Variants in OLFM3 observed in about 807,000 individuals in gnomAD.
OLFM3 encodes noelin-3.
In OLFM3, 20 loss-of-function variants were observed where a neutral mutation model predicts 48.6. The ratio of observed to expected loss-of-function variants is 0.41; its 90% CI spans 0.29 to 0.60. OLFM3 has a LOEUF of 0.60. Among genes scored for constraint, OLFM3 ranks in the 20% least tolerant of loss-of-function variants. The probability of loss-of-function intolerance (pLI) is 0.28; values close to 1 mark genes in which losing one functional copy is unlikely to be tolerated. For synonymous variants in OLFM3, 222 were observed against 198.1 expected (o/e 1.12, Z -1.01); for missense variants, 437 against 544.3 (o/e 0.80, Z 1.96).
chr1:101,965,934 T>C (rs1444815846), intron 1 of OLFM3, among the ~76,000 whole-genome samples: 1 of 152,134 alleles, frequency 6.6e-6, no homozygotes, highest in Non-Finnish European at 1.5e-5. Context: ...AGGAGGAAAA[T>C]GAAGTCCATA....
chr1:101,911,025 G>T (rs1004043892), intron 1 of OLFM3, among the ~76,000 whole-genome samples: 1 of 152,004 alleles, frequency 6.6e-6, no homozygotes, highest in Non-Finnish European at 1.5e-5. Flanking sequence ...AAAGGAAAAC[G>T]GCACAATGGC....
chr1:101,843,014 T>G (rs541709933), intron 1 of OLFM3, among the ~76,000 whole-genome samples: 83 of 152,308 alleles, frequency 5.4e-4, no homozygotes, highest in African/African-American at 2.0e-3. Context: ...AAAACAGAAT[T>G]TGGGGGGAAA....
intron 1 of OLFM3, among the ~76,000 whole-genome samples, chr1:101,873,775 T>C (rs1657184151): frequency 6.6e-6 from 1 of 151,864 alleles, no homozygotes; most frequent in South Asian, 2.1e-4. Context: ...CAGTTTTCTC[T>C]AGTGTAGAAT....
At chr1:101,954,350 A>G (rs1254159635) in intron 1 of OLFM3, among the ~76,000 whole-genome samples, 12 of 152,188 alleles carry the variant, frequency 7.9e-5, no homozygotes, top group Admixed American at 7.9e-4. Context: ...TCTACCTATA[A>G]GTTTTATTTC....
chr1:101,861,165 G>A lies in OLFM3; in HGVS notation c.70-24140C>T, dbSNP rs545169432. Among the ~76,000 whole-genome samples, 18 of 152,040 alleles carry A rather than the reference G, an allele frequency of 1.2e-4. 1 individual carries two copies. The South Asian group carries it at 1.7e-3, about 14-fold the overall frequency. ...CAACCTCTGCTTCCCGGGTTCAAGCGATTCTCCTGCCTTGGCCACCCGAGT... is the reference window on the plus strand; with the variant it reads ...CAACCTCTGCTTCCCGGGTTCAAGCAATTCTCCTGCCTTGGCCACCCGAGT... On this transcript the variant is annotated intron_variant, in intron 1 of 5. Transcript: ENST00000370103.
chr1:101,966,230 T>C (rs755744581), intron 1 of OLFM3, among the ~76,000 whole-genome samples: 7 of 152,120 alleles, frequency 4.6e-5, no homozygotes, highest in Non-Finnish European at 1.0e-4. Context: ...AGTGGTGCAA[T>C]CATAGCTCAC....
intron 1 of OLFM3, among the ~76,000 whole-genome samples, chr1:101,964,314 T>C (rs540217025): frequency 1.8e-4 from 27 of 152,120 alleles, no homozygotes; most frequent in African/African-American, 6.5e-4. Flanking sequence ...AGGCAAGAAA[T>C]GAGATTAGAA....
rs1171421336 is a variant in OLFM3, at chr1:101,807,233, CA to C, written c.593-1052del. On this transcript the variant is annotated intron_variant, in intron 4 of 5. Coordinates refer to ENST00000370103, the MANE Select transcript of OLFM3 (RefSeq NM_058170.4). ...ATAGTTTTATGAGATTTTTGAACAG[CA>C]AAATTTAGAAGTGATTTATTAATCA... Among the ~76,000 whole-genome samples the C allele has an allele frequency of 3.3e-5, 5 of 151,758 alleles. No individual in the cohort carries two copies. The East Asian group carries it at 7.8e-4, about 24-fold the overall frequency.
At chr1:101,990,731 A>T (rs1661375229) in intron 1 of OLFM3, among the ~76,000 whole-genome samples, 1 of 151,866 alleles carries the variant, frequency 6.6e-6, no homozygotes. Context: ...CACGCCTGTA[A>T]TCCCAGCACT....
intron 1 of OLFM3, among the ~76,000 whole-genome samples, chr1:101,858,343 A>G (rs11164315): frequency 0.11 from 16,758 of 152,034 alleles, 1,055 homozygotes; most frequent in Non-Finnish European, 0.13. Context: ...GGATTTATTG[A>G]TCATCCTCTA....
intron 1 of OLFM3, among the ~76,000 whole-genome samples, chr1:101,918,711 G>A (rs1659003583): frequency 2.0e-5 from 3 of 151,956 alleles, no homozygotes; most frequent in Non-Finnish European, 4.4e-5. Context: ...CACGGGTTCT[G>A]GGGATTTGAA....
intron 5 of OLFM3, among the ~76,000 whole-genome samples, chr1:101,805,703 A>G (rs889935247): frequency 2.6e-5 from 4 of 151,760 alleles, no homozygotes; most frequent in Non-Finnish European, 5.9e-5. Flanking sequence ...TTTCATACTA[A>G]AGAACATATT....
intron 4 of OLFM3, among the ~76,000 whole-genome samples, chr1:101,808,925 A>G (rs1232850919): frequency 1.3e-5 from 2 of 151,844 alleles, no homozygotes; most frequent in Non-Finnish European, 2.9e-5. Context: ...AGAGATTTGT[A>G]TAATATATAC....
intron 1 of OLFM3, among the ~76,000 whole-genome samples, chr1:101,900,721 T>C (rs1415691569): frequency 6.6e-6 from 1 of 151,884 alleles, no homozygotes; most frequent in Non-Finnish European, 1.5e-5. Context: ...AGAGTTGAAT[T>C]TGGGATATGA....
intron 1 of OLFM3, among the ~76,000 whole-genome samples, chr1:101,921,344 G>C (rs771772097): frequency 1.3e-5 from 2 of 152,090 alleles, no homozygotes; most frequent in African/African-American, 2.4e-5. Flanking sequence ...CCTTGTCTCT[G>C]AGATATAAAA....
At chr1:101,906,563 T>C (rs886910362) in intron 1 of OLFM3, among the ~76,000 whole-genome samples, 1 of 152,168 alleles carries the variant, frequency 6.6e-6, no homozygotes, top group Non-Finnish European at 1.5e-5. Context: ...TAGTAATCTT[T>C]TCATAATTAT....
At chr1:101,994,005 C>A (rs914617347) in intron 1 of OLFM3, among the ~76,000 whole-genome samples, 2 of 150,162 alleles carry the variant, frequency 1.3e-5, no homozygotes, top group Admixed American at 1.3e-4. Flanking sequence ...ATTATATAGT[C>A]TTCCATGAAA....
Position 101,921,983 on chromosome 1 carries a change from C to T in OLFM3, c.69+74765G>A, listed in dbSNP as rs1034393699. On this transcript the variant is annotated intron_variant, in intron 1 of 5. Transcript: ENST00000370103. Reference sequence around the variant, plus strand: ...CTGAGGCAGAAGAATGGCTTGAACCCGGGAGATGGAGGTTGCAGTGAGCAG... The same window carrying T: ...CTGAGGCAGAAGAATGGCTTGAACCTGGGAGATGGAGGTTGCAGTGAGCAG... 3.9e-4 allele frequency among the ~76,000 whole-genome samples: 60 copies of T among 151,936 alleles called. 1 individual carries two copies. Among genetic ancestry groups the T allele is most frequent in the Non-Finnish European group, 6.8e-4 (46 of 67,994 alleles).
At chr1:101,822,992 G>A (rs4908186) in intron 4 of OLFM3, among the ~76,000 whole-genome samples, 39,685 of 151,822 alleles carry the variant, frequency 0.26, 6,076 homozygotes, top group Non-Finnish European at 0.34. Context: ...TGCATTTCTT[G>A]TTATGAGTAA....
Sources: gnomAD v4.1 joint callset for allele counts (sites outside exome capture counted in the v4.1 genomes callset) on GRCh38, gnomAD v4.1.1 for gene constraint, MANE v1.5 for transcripts, NCBI Gene and HGNC (gene_info 2026-07-23, HGNC 2026-07-21) for gene names.